The following PTPRM variants were observed in gnomAD, a reference collection of about 807,000 sequenced individuals.
PTPRM encodes protein tyrosine phosphatase receptor type M, also known as receptor-type tyrosine-protein phosphatase mu.
PTPRM carries 47 observed loss-of-function variants against 186.7 expected under a neutral mutation model. The ratio of observed to expected loss-of-function variants is 0.25; its 90% CI spans 0.20 to 0.32. The LOEUF is 0.32. Ranked by LOEUF, PTPRM falls within the 10% of genes least tolerant of loss-of-function variation. PTPRM has a pLI of 1.00. For missense variants in PTPRM, 1,494 were observed against 1,865.0 expected, an observed-to-expected ratio of 0.80 and a Z score of 3.66; for synonymous variants, 668 against 674.9, an observed-to-expected ratio of 0.99 and a Z score of 0.16.
chr18:7,874,350 G>T (rs2048125239), intron 2 of PTPRM, among the ~76,000 whole-genome samples: 1 of 152,042 alleles, frequency 6.6e-6, no homozygotes, highest in Admixed American at 6.5e-5. Flanking sequence ...AACGAACTGG[G>T]TCTCTATGTA....
At chr18:8,357,052 C>CT (rs1423435127) in intron 23 of PTPRM, among the ~76,000 whole-genome samples, 4 of 152,198 alleles carry the variant, frequency 2.6e-5, no homozygotes, top group African/African-American at 9.6e-5. Flanking sequence ...TTGATGCTTC[C>CT]TGTACACTCT....
chr18:8,259,180 C>A (rs1423760114), intron 19 of PTPRM, among the ~76,000 whole-genome samples: 1 of 152,120 alleles, frequency 6.6e-6, no homozygotes, highest in Non-Finnish European at 1.5e-5. Flanking sequence ...AACTCCTGAC[C>A]TCAAGTAATC....
intron 22 of PTPRM, among the ~76,000 whole-genome samples, chr18:8,322,012 T>A (rs1377932154): frequency 6.6e-6 from 1 of 152,138 alleles, no homozygotes; most frequent in African/African-American, 2.4e-5. Flanking sequence ...CATTAATACC[T>A]CCAAGAGGCC....
chr18:8,169,674 G>A (rs1438087968), intron 14 of PTPRM, among the ~76,000 whole-genome samples: 4 of 152,130 alleles, frequency 2.6e-5, no homozygotes, highest in South Asian at 2.1e-4. Context: ...TGGTGTATGC[G>A]TGTACTTTTA....
At chr18:8,094,110 A>G (rs1449522944) in intron 11 of PTPRM, among the ~76,000 whole-genome samples, 1 of 152,232 alleles carries the variant, frequency 6.6e-6, no homozygotes, top group Non-Finnish European at 1.5e-5. Context: ...TTTATTCAAA[A>G]AAGTTTATCC....
At chr18:8,287,833 C>G (rs1171065562) in intron 19 of PTPRM, among the ~76,000 whole-genome samples, 3 of 152,190 alleles carry the variant, frequency 2.0e-5, no homozygotes, top group Non-Finnish European at 4.4e-5. Flanking sequence ...CCTAGCATGA[C>G]TTATAGAAAC....
At chr18:7,725,431 C>G (rs2040527991) in intron 1 of PTPRM, among the ~76,000 whole-genome samples, 1 of 152,058 alleles carries the variant, frequency 6.6e-6, no homozygotes, top group Non-Finnish European at 1.5e-5. Flanking sequence ...GGACGGGTCC[C>G]TGGTGAAGTC....
At chr18:7,671,722 A>G (rs1016947456) in intron 1 of PTPRM, among the ~76,000 whole-genome samples, 4 of 152,228 alleles carry the variant, frequency 2.6e-5, no homozygotes, top group African/African-American at 9.6e-5. Context: ...AGAATTGGAC[A>G]TTGCCAGGTG....
chr18:7,911,104 T>G (rs1161060959), intron 4 of PTPRM, among the ~76,000 whole-genome samples: 1 of 152,248 alleles, frequency 6.6e-6, no homozygotes, highest in Non-Finnish European at 1.5e-5. Flanking sequence ...TGTATATCAA[T>G]ATTTCACTCC....
chr18:8,335,994 C>T (rs980376490), intron 22 of PTPRM, among the ~76,000 whole-genome samples: 2 of 151,822 alleles, frequency 1.3e-5, no homozygotes, highest in Non-Finnish European at 2.9e-5. Context: ...CGCACTCCAG[C>T]CTGGGTGACA....
intron 22 of PTPRM, among the ~76,000 whole-genome samples, chr18:8,331,172 G>A (rs756313455): frequency 6.6e-6 from 1 of 152,162 alleles, no homozygotes; most frequent in African/African-American, 2.4e-5. Context: ...AGGGAGGTCC[G>A]ATTCTAGAAG....
chr18:7,611,585 G>A (rs1162739447), intron 1 of PTPRM, among the ~76,000 whole-genome samples: 1 of 152,160 alleles, frequency 6.6e-6, no homozygotes, highest in African/African-American at 2.4e-5. Flanking sequence ...GGGTATAGTA[G>A]GCTTGATATG....
chr18:8,299,208 G>C (rs2095129085), intron 20 of PTPRM, among the ~76,000 whole-genome samples: 1 of 152,140 alleles, frequency 6.6e-6, no homozygotes, highest in Admixed American at 6.5e-5. Context: ...TTCTGTTCCT[G>C]TACCCGTTGC....
chr18:7,824,447 T>G (rs566549998), intron 2 of PTPRM, among the ~76,000 whole-genome samples: 96 of 151,904 alleles, frequency 6.3e-4, no homozygotes, highest in East Asian at 7.7e-4. Flanking sequence ...GTGTGTGTGT[T>G]TTTTCCTCAG....
At chr18:8,240,464 AGG>A (rs1291161860) in intron 14 of PTPRM, among the ~76,000 whole-genome samples, 89 of 47,976 alleles carry the variant, frequency 1.9e-3, no homozygotes, top group South Asian at 2.8e-3. Context: ...AGAGAGAGAG[AGG>A]GAGGGAGGGA....
At chr18:8,147,170 T>C (rs774536927) in intron 14 of PTPRM, among the ~76,000 whole-genome samples, 6 of 152,230 alleles carry the variant, frequency 3.9e-5, no homozygotes, top group Admixed American at 2.0e-4. Context: ...AGTAGTTTTT[T>C]CCAATTCTAT....
intron 14 of PTPRM, among the ~76,000 whole-genome samples, chr18:8,169,743 G>A (rs2093371615): frequency 6.6e-6 from 1 of 151,994 alleles, no homozygotes; most frequent in African/African-American, 2.4e-5. Flanking sequence ...TAACTACCAA[G>A]CATATATATT....
At chr18:8,371,365 A>T (rs1382952423) in intron 24 of PTPRM, among the ~76,000 whole-genome samples, 1 of 152,130 alleles carries the variant, frequency 6.6e-6, no homozygotes, top group Non-Finnish European at 1.5e-5. Context: ...AATTTCCTTC[A>T]TGGTGTATGT....
At chr18:8,294,606 A>G (rs142085135) in intron 19 of PTPRM, among the ~76,000 whole-genome samples, 73 of 152,312 alleles carry the variant, frequency 4.8e-4, no homozygotes, top group African/African-American at 1.5e-3. Context: ...CAGCCAAACC[A>G]TATCACTCTT....
Sources: gnomAD v4.1 joint callset for allele counts (sites outside exome capture counted in the v4.1 genomes callset) on GRCh38, gnomAD v4.1.1 for gene constraint, MANE v1.5 for transcripts, NCBI Gene and HGNC (gene_info 2026-07-23, HGNC 2026-07-21) for gene names.